The following RYR3 variants were observed in gnomAD, a reference collection of about 807,000 sequenced individuals.
RYR3 encodes brain ryanodine receptor-calcium release channel.
RYR3 carries 207 observed loss-of-function variants against 584.3 expected under a neutral mutation model. The ratio of observed to expected loss-of-function variants is 0.35; its 90% CI spans 0.32 to 0.40. The LOEUF is 0.40. RYR3 is among the 10% of genes least tolerant of loss of function. The probability of loss-of-function intolerance (pLI) is 1.00; values close to 1 mark genes in which losing one functional copy is unlikely to be tolerated. For synonymous variants in RYR3, 2,416 were observed against 2,248.5 expected, an observed-to-expected ratio of 1.07 and a Z score of -2.11; for missense variants, 5,616 against 6,089.2, an observed-to-expected ratio of 0.92 and a Z score of 2.59.
chr15:33,625,583 G>C (rs931427099), intron 20 of RYR3, among the ~76,000 whole-genome samples: 1 of 152,014 alleles, frequency 6.6e-6, no homozygotes, highest in South Asian at 2.1e-4. Flanking sequence ...ATTAGCAAGA[G>C]AAAAAAACAT....
intron 19 of RYR3, among the ~76,000 whole-genome samples, chr15:33,623,229 C>A (rs1295153632): frequency 6.6e-6 from 1 of 152,204 alleles, no homozygotes. Context: ...ATGGCTGCTG[C>A]GGGGGAATGC....
intron 88 of RYR3, 141 bp from the exon 89 acceptor site, chr15:33,837,490 C>T: frequency 3.2e-5 from 28 of 881,378 alleles, no homozygotes; most frequent in Non-Finnish European, 4.4e-5. Context: ...TTATGGCTTG[C>T]TGCTCCCTCC....
intron 2 of RYR3, among the ~76,000 whole-genome samples, chr15:33,474,197 G>A (rs187490472): frequency 7.7e-4 from 118 of 152,268 alleles, no homozygotes; most frequent in Admixed American, 3.1e-3. Flanking sequence ...CTCTATATCC[G>A]TCAGGGTTCT....
At chr15:33,647,103 C>G (rs1377524684) in intron 29 of RYR3, among the ~76,000 whole-genome samples, 3 of 152,192 alleles carry the variant, frequency 2.0e-5, no homozygotes, top group African/African-American at 7.2e-5. Context: ...AGCTTTTAAA[C>G]AAGCACAGCT....
intron 1 of RYR3, among the ~76,000 whole-genome samples, chr15:33,449,535 A>G (rs141416929): frequency 6.5e-4 from 99 of 152,122 alleles, no homozygotes; most frequent in African/African-American, 2.2e-3. Flanking sequence ...TTTCTACATA[A>G]CATAGTGTGA....
chr15:33,820,294 A>G (rs946621001), intron 77 of RYR3, among the ~76,000 whole-genome samples: 2 of 152,222 alleles, frequency 1.3e-5, no homozygotes, highest in Non-Finnish European at 2.9e-5. Context: ...GTGTTGGGGT[A>G]TAGGAGCACC....
intron 22 of RYR3, 62 bp downstream of exon 22, chr15:33,630,105 C>A: frequency 2.2e-6 from 2 of 896,194 alleles, no homozygotes; most frequent in Non-Finnish European, 3.5e-6. Flanking sequence ...TGCATTATAA[C>A]TAAACTGCAA....
intron 85 of RYR3, 25 bp from the exon 86 acceptor site, chr15:33,830,938 C>T: frequency 6.2e-6 from 10 of 1,608,960 alleles, no homozygotes; most frequent in Non-Finnish European, 8.5e-6. Flanking sequence ...CTGAGAAATA[C>T]TAAGCTCTAC....
rs534716993 is a variant in RYR3 at position 33,436,041 on chromosome 15, G to A, written c.52-37378G>A. ...GGTCCATTTTACAAAGTGCTGATTG[G>A]TGCATTTACAATCCTCTAGCTAGAC... On this transcript the variant is annotated intron_variant, in intron 1 of 103. Coordinates refer to ENST00000634891, the MANE Select transcript of RYR3 (RefSeq NM_001036.6). 5.9e-5 allele frequency among the ~76,000 whole-genome samples: 9 copies of A among 152,206 alleles called. No individual in the cohort carries two copies. The East Asian group carries it at 1.7e-3, about 29-fold the overall frequency.
intron 1 of RYR3, among the ~76,000 whole-genome samples, chr15:33,434,260 CAGTTGTTTGTT>C (rs2141777401): frequency 6.6e-6 from 1 of 152,070 alleles, no homozygotes; most frequent in East Asian, 1.9e-4. Flanking sequence ...TGAAATTCAT[CAGTTGTTTGTT>C]GGTTGTTTGC....
At chr15:33,384,598 T>C (rs1469604470) in intron 1 of RYR3, among the ~76,000 whole-genome samples, 3 of 64,272 alleles carry the variant, frequency 4.7e-5, no homozygotes, top group African/African-American at 1.8e-4. Context: ...CATATCTATA[T>C]ATGCACACAC....
intron 12 of RYR3, among the ~76,000 whole-genome samples, chr15:33,569,193 A>G (rs1378203181): frequency 6.6e-6 from 1 of 152,198 alleles, no homozygotes; most frequent in Non-Finnish European, 1.5e-5. Context: ...TATGGTTTCC[A>G]TTTCTCTTGG....
intron 1 of RYR3, among the ~76,000 whole-genome samples, chr15:33,316,579 A>G (rs1005321305): frequency 2.6e-5 from 4 of 152,196 alleles, no homozygotes; most frequent in African/African-American, 9.7e-5. Context: ...AAGAATTCCT[A>G]TTTTTAGGTC....
intron 94 of RYR3, chr15:33,850,521 G>A (rs2079028238): frequency 6.6e-6 from 1 of 152,106 alleles, no homozygotes; most frequent in African/African-American, 2.4e-5. Flanking sequence ...AGTAGGAAAT[G>A]CATAAATAAA....
rs201791791 is a variant in RYR3 at position 33,841,953 on chromosome 15, G to C, written c.13127G>C (p.Arg4376Pro). 1.6e-5 allele frequency: 26 copies of C among 1,601,672 alleles called. No individual in the cohort carries two copies. In the Admixed American group the frequency reaches 3.1e-4, roughly 19 times the overall value. ...WTEVTKKKKR[R>P]CGQKVEKPEA... ...GAAGTGACAAAAAAGAAGAAGCGGC[G>C]GTGTGGTCAGAAGGTTGAGAAGCCG... The change falls in exon 91 of 104, where the codon CGG (arginine) becomes CCG (proline). Residue 4376 changes from arginine to proline, a missense_variant. Coordinates refer to ENST00000634891, the MANE Select transcript of RYR3 (RefSeq NM_001036.6).
intron 22 of RYR3, 74 bp from the exon 23 acceptor site, chr15:33,631,136 C>A (rs752620073): frequency 1.1e-6 from 1 of 914,158 alleles, no homozygotes; most frequent in Non-Finnish European, 1.7e-6. Flanking sequence ...GTTTTCAACT[C>A]GGATGTGAAT....
At chr15:33,719,362 A>G (rs1383844564) in intron 43 of RYR3, among the ~76,000 whole-genome samples, 1 of 152,208 alleles carries the variant, frequency 6.6e-6, no homozygotes, top group Non-Finnish European at 1.5e-5. Flanking sequence ...CAACTTCTGC[A>G]TATTGTGGTT....
intron 96 of RYR3, 94 bp downstream of exon 96, chr15:33,853,776 C>A: frequency 6.7e-7 from 1 of 1,495,118 alleles, no homozygotes; most frequent in Non-Finnish European, 9.0e-7. Flanking sequence ...TCTTTGTTCT[C>A]TCAGGCTGTG....
intron 36 of RYR3, among the ~76,000 whole-genome samples, chr15:33,664,118 C>G (rs2063326194): frequency 6.6e-6 from 1 of 152,130 alleles, no homozygotes; most frequent in Non-Finnish European, 1.5e-5. Context: ...CAGTTACCAA[C>G]AGAATAGGGT....
Sources: allele counts gnomAD v4.1 joint callset (sites outside exome capture counted in the v4.1 genomes callset), GRCh38; gene constraint gnomAD v4.1.1; transcripts MANE v1.5; gene names NCBI Gene and HGNC (gene_info 2026-07-23, HGNC 2026-07-21).